The following PCNX4 variants were observed in gnomAD, a reference collection of about 807,000 sequenced individuals.
PCNX4 encodes the protein pecanex-like protein 4.
A neutral mutation model predicts 107.2 loss-of-function variants in PCNX4; 103 were observed. That is an observed-to-expected ratio of 0.96 (90% CI 0.82 to 1.13). The LOEUF (loss-of-function observed/expected upper bound fraction) is 1.13. PCNX4 is among the 50% of genes most tolerant of loss of function. The pLI is 0.00. For synonymous variants in PCNX4, 541 were observed against 481.7 expected, an observed-to-expected ratio of 1.12 and a Z score of -1.61; for missense variants, 1,528 against 1,379.4, an observed-to-expected ratio of 1.11 and a Z score of -1.71.
In PCNX4 at chr14:60,135,603, G is replaced by T. The variant is rs1018938391; in HGVS notation, c.*1382G>T. The T allele has an allele frequency of 6.6e-6, 1 of 151,788 alleles. No individual in the cohort carries two copies. Among genetic ancestry groups the T allele is most frequent in the Non-Finnish European group, 1.5e-5 (1 of 67,944 alleles). 9.4% of individuals were successfully genotyped at this position (151,788 alleles called of 1,614,324 possible). A position where few individuals can be genotyped will look rare whatever the true frequency, so the allele number is the denominator to read the frequency against. On this transcript the variant is annotated 3_prime_UTR_variant, in exon 11 of 11. Coordinates refer to ENST00000406854, the MANE Select transcript of PCNX4 (RefSeq NM_001330177.2). The stretch of plus-strand genomic sequence containing the variant: ...AATCTCGCTCTGTCACCCAGGCTGG[G>T]GTGCAGTGGCACGATCTCAGCTCAC...
At chr14:60,133,536 T>C in intron 10 of PCNX4, 1 of 389,358 alleles carries the variant, frequency 2.6e-6, no homozygotes, top group South Asian at 1.9e-5. Flanking sequence ...TATCTGTGAC[T>C]ATAATAAAAG....
intron 1 of PCNX4, among the ~76,000 whole-genome samples, chr14:60,101,841 A>G (rs1012143816): frequency 1.3e-5 from 2 of 152,234 alleles, no homozygotes; most frequent in Admixed American, 6.5e-5. Context: ...ATGTCCATCA[A>G]CAGATAAATG....
chr14:60,108,428 AAAATCAT>A, intron 2 of PCNX4, 101 bp downstream of exon 2: 1 of 858,354 alleles, frequency 1.2e-6, no homozygotes, highest in Non-Finnish European at 1.8e-6. Flanking sequence ...CCATGGATTA[AAAATCAT>A]CAAACCATTG....
chr14:60,124,269 G>T lies in PCNX4; in HGVS notation c.2098G>T (p.Asp700Tyr). Residue 700 changes from aspartate (D) to tyrosine (Y), a missense_variant, in exon 9 of 11, where the codon GAT (aspartate) becomes TAT (tyrosine). By Grantham distance (160) the Asp-to-Tyr change is radical (BLOSUM62 -3). Transcript: ENST00000406854. ...TCATACTGCAGAAGCTCGCAGAGTT[G>T]ATGAAGTTTTTGAAGATGCTTTTGA... ...SCHTAEARRV[D>Y]EVFEDAFEQE... is the part of the protein sequence containing the mutation. 1.2e-6 allele frequency: 2 copies of T among 1,605,084 alleles called. No homozygotes were observed. The highest frequency in any genetic ancestry group is 1.1e-5 in the South Asian group (1 of 89,832).
chr14:60,104,925 C>T (rs1362034139), intron 1 of PCNX4, among the ~76,000 whole-genome samples: 8 of 152,098 alleles, frequency 5.3e-5, no homozygotes, highest in East Asian at 1.9e-4. Flanking sequence ...AGAGAAATGC[C>T]GTATACTAAT....
At position 60,125,677 on chromosome 14, in the gene PCNX4, C is replaced by CCAT. The variant is rs1896041464; in HGVS notation, c.3123_3124insTCA (p.Pro1041_Ile1042insSer). 1 of 1,576,548 alleles carries CCAT rather than the reference C, an allele frequency of 6.3e-7. No individual in the cohort carries two copies. Among genetic ancestry groups the CCAT allele is most frequent in the Non-Finnish European group, 8.6e-7 (1 of 1,162,506 alleles). ...AATGATTGATAAAGCAAGTTTAGGT[C>CCAT]CAATAGAAGACTTTAGAGAACTGAT... On this transcript the variant is annotated inframe_insertion, in exon 10 of 11. Coordinates refer to ENST00000406854, the MANE Select transcript of PCNX4 (RefSeq NM_001330177.2).
chr14:60,108,097 T>G lies in PCNX4; in HGVS notation c.459T>G (p.Leu153=). 6.2e-7 allele frequency: 1 copy of G among 1,612,872 alleles called. No individual in the cohort carries two copies. Among genetic ancestry groups the G allele is most frequent in the Non-Finnish European group, 8.5e-7 (1 of 1,179,872 alleles). The part of the protein sequence containing the change: ...HSILAGLACG[L]GTWYLLPNRI... Reference sequence around the variant, plus strand: ...TTCTTGCTGGATTAGCGTGTGGTCTTGGAACATGGTATCTGCTCCCAAATA... The same window carrying G: ...TTCTTGCTGGATTAGCGTGTGGTCTGGGAACATGGTATCTGCTCCCAAATA... The change falls in exon 2 of 11, where the codon CTT becomes CTG. Residue 153 remains leucine, a synonymous_variant. Coordinates refer to ENST00000406854, the MANE Select transcript of PCNX4 (RefSeq NM_001330177.2).
In PCNX4 at chr14:60,115,266, C is replaced by G; in HGVS notation, c.1162C>G (p.Gln388Glu). ...CTCACAGATTTCTAAAAGCAATTCC[C>G]AGGCTATTGTGGGCTATGGTTTGAT... ...GFSQISKSNS[Q>E]AIVGYGLMIL... The change falls in exon 4 of 11, where the codon CAG (glutamine) becomes GAG (glutamate). Residue 388 changes from glutamine to glutamate, a missense_variant. Gln to Glu is a conservative substitution (Grantham distance 29). Transcript: ENST00000406854. 1 of 1,612,030 alleles carries G rather than the reference C, an allele frequency of 6.2e-7. No homozygotes were observed. The highest frequency in any genetic ancestry group is 1.1e-5 in the South Asian group (1 of 90,962).
rs1221667267 is a variant in PCNX4 at position 60,140,402 on chromosome 14, A to AT, written c.*6183dup. The AT allele has an allele frequency of 6.6e-6, 1 of 152,232 alleles. No individual in the cohort carries two copies. Among genetic ancestry groups the AT allele is most frequent in the African/African-American group, 2.4e-5 (1 of 41,474 alleles). The allele number at this position is 152,232 out of a possible 1,614,324, so 9.4% of individuals were successfully genotyped here. On this transcript the variant is annotated 3_prime_UTR_variant, in exon 11 of 11. Transcript: ENST00000406854. The surrounding 1 kb of genome is among the most constrained non-coding windows in gnomAD (Gnocchi z 4.2). ...TGAAACAACAAGCCTAGATGGATTG[A>AT]TTCGTCAATGGAAAGACAATCTTAA...
chr14:60,100,011 G>A (rs1895499113), intron 1 of PCNX4, among the ~76,000 whole-genome samples: 1 of 152,112 alleles, frequency 6.6e-6, no homozygotes, highest in Non-Finnish European at 1.5e-5. Context: ...GTTACAGTGA[G>A]CCAAGATCAT....
rs1896282534 is a variant in PCNX4, at chr14:60,139,496, A to T, written c.*5275A>T. 2 of 152,132 alleles carry T rather than the reference A, an allele frequency of 1.3e-5. No homozygotes were observed. The highest frequency in any genetic ancestry group is 2.9e-5 in the Non-Finnish European group (2 of 67,952). 9.4% of individuals were successfully genotyped at this position (152,132 alleles called of 1,614,324 possible). A position where few individuals can be genotyped will look rare whatever the true frequency, so the allele number is the denominator to read the frequency against. Reference sequence around the variant, plus strand: ...CAGAAATGAACAGAACTAAAATGAGAAAAGACAAGTCTGCATTCCCAGATT... The same window carrying T: ...CAGAAATGAACAGAACTAAAATGAGTAAAGACAAGTCTGCATTCCCAGATT... On this transcript the variant is annotated 3_prime_UTR_variant, in exon 11 of 11. Transcript: ENST00000406854.
intron 1 of PCNX4, among the ~76,000 whole-genome samples, chr14:60,104,484 G>A (rs143141563): frequency 6.6e-6 from 1 of 152,102 alleles, no homozygotes; most frequent in South Asian, 2.1e-4. Context: ...GCTAAATATG[G>A]GGAATCAAGA....
At chr14:60,103,690 A>G (rs935459921) in intron 1 of PCNX4, among the ~76,000 whole-genome samples, 1 of 152,124 alleles carries the variant, frequency 6.6e-6, no homozygotes, top group South Asian at 2.1e-4. Context: ...CTTCTTTCTC[A>G]GTATGAACTA....
intron 10 of PCNX4, among the ~76,000 whole-genome samples, chr14:60,128,733 A>G (rs1235253915): frequency 6.6e-6 from 1 of 152,232 alleles, no homozygotes. Context: ...TTTGAAAAGC[A>G]ATTCTATAAA....
rs141113542 is a variant in PCNX4 at position 60,102,788 on chromosome 14, G to A, written c.-53-4798G>A. On this transcript the variant is annotated intron_variant, in intron 1 of 10. Transcript: ENST00000406854. ...GGAATTAATAGTCTTTCAGAACTAT[G>A]TGCCAAATTCTCACTTGGGGAGTAC... 2.2e-4 allele frequency among the ~76,000 whole-genome samples: 33 copies of A among 152,192 alleles called. No homozygotes were observed. In the East Asian group the frequency reaches 6.0e-3, roughly 28 times the overall value.
chr14:60,107,719 C>T lies in PCNX4; in HGVS notation c.81C>T (p.Gly27=). Residue 27 remains glycine (G), a synonymous_variant, in exon 2 of 11, where the codon GGC becomes GGT. Coordinates refer to ENST00000406854, the MANE Select transcript of PCNX4 (RefSeq NM_001330177.2). ...LKRFPQTVLG[G]PRFKLGYCAP... The stretch of plus-strand genomic sequence containing the variant: ...GCTTTCCACAGACTGTTCTTGGAGG[C>T]CCTCGATTCAAATTAGGCTATTGTG... The T allele has an allele frequency of 6.2e-7, 1 of 1,612,658 alleles. No homozygotes were observed. Among genetic ancestry groups the T allele is most frequent in the South Asian group, 1.1e-5 (1 of 91,076 alleles).
At chr14:60,114,678 A>C (rs762114334) in intron 2 of PCNX4, 22 bp from the exon 3 acceptor site, 3 of 1,587,620 alleles carry the variant, frequency 1.9e-6, no homozygotes, top group Middle Eastern at 1.7e-4. Flanking sequence ...GTGTGATTTA[A>C]ATGTTCTTTT....
chr14:60,096,815 G>T (rs945762641), intron 1 of PCNX4, among the ~76,000 whole-genome samples: 1 of 152,138 alleles, frequency 6.6e-6, no homozygotes, highest in African/African-American at 2.4e-5. Context: ...CAAATGAAGG[G>T]GTGAGCCAGA....
intron 6 of PCNX4, among the ~76,000 whole-genome samples, chr14:60,117,003 A>G (rs1048021127): frequency 2.0e-5 from 3 of 152,220 alleles, no homozygotes; most frequent in Non-Finnish European, 4.4e-5. Context: ...CAGCTGTACA[A>G]TGTGTTTTAA....
Sources: gnomAD v4.1 joint callset for allele counts (sites outside exome capture counted in the v4.1 genomes callset) on GRCh38, gnomAD v4.1.1 for gene constraint, Gnocchi (gnomAD v3.1) non-coding constraint, MANE v1.5 for transcripts, NCBI Gene and HGNC (gene_info 2026-07-23, HGNC 2026-07-21) for gene names.